The following TRHDE variants were observed in gnomAD, a reference collection of about 807,000 sequenced individuals.
The protein encoded by TRHDE is thyrotropin-releasing hormone-degrading ectoenzyme.
Under a neutral mutation model 125.7 loss-of-function variants are expected in TRHDE, and 72 were observed. The ratio of observed to expected loss-of-function variants is 0.57; its 90% CI spans 0.47 to 0.70. The LOEUF (loss-of-function observed/expected upper bound fraction) is 0.70. Ranked by LOEUF, TRHDE falls within the 30% of genes least tolerant of loss-of-function variation. The pLI, the probability that TRHDE is intolerant of heterozygous loss-of-function variation, is 0.00. For synonymous variants in TRHDE, 509 were observed against 509.1 expected (o/e 1.00, Z 0.00); for missense variants, 1,110 against 1,327.1 (o/e 0.84, Z 2.54).
At chr12:72,549,360 A>C (rs975198476) in intron 7 of TRHDE, among the ~76,000 whole-genome samples, 3 of 151,886 alleles carry the variant, frequency 2.0e-5, no homozygotes, top group Non-Finnish European at 2.9e-5. Flanking sequence ...ATAAGTAAAA[A>C]GTCAGAAAAT....
Position 72,667,674 on chromosome 12 carries a change from A to G in TRHDE, c.*4479A>G, listed in dbSNP as rs943487391. 1.3e-5 allele frequency: 2 copies of G among 151,814 alleles called. No individual in the cohort carries two copies. Among genetic ancestry groups the G allele is most frequent in the Non-Finnish European group, 3.0e-5 (2 of 67,792 alleles). 9.4% of individuals were successfully genotyped at this position (151,814 alleles called of 1,614,324 possible). ...TAATATTATACAACTATTTTTGTACACTAGTTCTCAAAACATTTATGATAC... is the reference window on the plus strand; with the variant it reads ...TAATATTATACAACTATTTTTGTACGCTAGTTCTCAAAACATTTATGATAC... On this transcript the variant is annotated 3_prime_UTR_variant, in exon 19 of 19. Transcript: ENST00000261180.
intron 2 of TRHDE, among the ~76,000 whole-genome samples, chr12:72,325,674 A>G (rs958732502): frequency 1.3e-5 from 2 of 152,138 alleles, no homozygotes; most frequent in African/African-American, 4.8e-5. Flanking sequence ...ATCAATGTTT[A>G]TTAAGCCATG....
chr12:72,471,437 C>T (rs1315449646), intron 4 of TRHDE, among the ~76,000 whole-genome samples: 1 of 152,142 alleles, frequency 6.6e-6, no homozygotes, highest in Non-Finnish European at 1.5e-5. Flanking sequence ...TGAAAGCGCA[C>T]CGATAATGTG....
chr12:72,643,084 G>T (rs1292939158), intron 15 of TRHDE, among the ~76,000 whole-genome samples: 2 of 152,158 alleles, frequency 1.3e-5, no homozygotes, highest in Non-Finnish European at 2.9e-5. Flanking sequence ...GAGTAAAAAT[G>T]ATCTTGTGAA....
At chr12:72,609,731 G>A (rs906715521) in intron 12 of TRHDE, among the ~76,000 whole-genome samples, 6 of 152,248 alleles carry the variant, frequency 3.9e-5, no homozygotes, top group Non-Finnish European at 8.8e-5. Context: ...TTTGGTTTGA[G>A]TGATGTTTTT....
At chr12:72,535,227 T>G (rs1439591953) in intron 6 of TRHDE, among the ~76,000 whole-genome samples, 1 of 152,136 alleles carries the variant, frequency 6.6e-6, no homozygotes, top group East Asian at 1.9e-4. Flanking sequence ...ATCATCATTT[T>G]TATTGTTATG....
intron 15 of TRHDE, among the ~76,000 whole-genome samples, chr12:72,630,046 A>C (rs1205898439): frequency 1.3e-5 from 2 of 150,032 alleles, no homozygotes; most frequent in South Asian, 2.1e-4. Context: ...ATATATATAC[A>C]TATATATAAA....
intron 15 of TRHDE, among the ~76,000 whole-genome samples, chr12:72,627,637 A>C (rs1873314537): frequency 6.6e-6 from 1 of 151,880 alleles, no homozygotes; most frequent in African/African-American, 2.4e-5. Flanking sequence ...GTAGGACCAG[A>C]TTCACCAGTC....
At chr12:72,532,506 C>T (rs764728562) in intron 6 of TRHDE, among the ~76,000 whole-genome samples, 4 of 151,040 alleles carry the variant, frequency 2.6e-5, no homozygotes, top group Non-Finnish European at 5.9e-5. Context: ...GAATGCATCT[C>T]ATGTTTCACT....
intron 7 of TRHDE, among the ~76,000 whole-genome samples, chr12:72,558,613 T>G (rs56991573): frequency 2.6e-5 from 4 of 152,188 alleles, no homozygotes; most frequent in African/African-American, 9.6e-5. Flanking sequence ...AGAGACTAGA[T>G]GTGAAAGGGA....
chr12:72,361,036 G>T (rs1871050616), intron 2 of TRHDE, among the ~76,000 whole-genome samples: 1 of 151,806 alleles, frequency 6.6e-6, no homozygotes, highest in East Asian at 2.0e-4. Flanking sequence ...GTGTCCATAT[G>T]TTCTCATTGT....
At chr12:72,498,232 T>C (rs1878000355) in intron 5 of TRHDE, among the ~76,000 whole-genome samples, 1 of 152,178 alleles carries the variant, frequency 6.6e-6, no homozygotes, top group Non-Finnish European at 1.5e-5. Context: ...ACTAAATCAT[T>C]GAGCAAATGA....
At chr12:72,436,710 C>T (rs1874762632) in intron 3 of TRHDE, among the ~76,000 whole-genome samples, 2 of 151,900 alleles carry the variant, frequency 1.3e-5, no homozygotes, top group South Asian at 4.1e-4. Context: ...CATTGACGTA[C>T]TGAAGAACCG....
intron 2 of TRHDE, among the ~76,000 whole-genome samples, chr12:72,307,964 G>A (rs1028851694): frequency 6.6e-6 from 1 of 152,122 alleles, no homozygotes; most frequent in Non-Finnish European, 1.5e-5. Flanking sequence ...GTTAAGGTAG[G>A]ATTTTTTTTT....
At chr12:72,358,044 T>C (rs925329082) in intron 2 of TRHDE, among the ~76,000 whole-genome samples, 2 of 151,622 alleles carry the variant, frequency 1.3e-5, no homozygotes, top group Non-Finnish European at 3.0e-5. Context: ...AGAACACTGC[T>C]GATTCAATTT....
chr12:72,161,003 AC>A (rs1356643466), intron 2 of TRHDE, among the ~76,000 whole-genome samples: 1 of 152,200 alleles, frequency 6.6e-6, no homozygotes, highest in Non-Finnish European at 1.5e-5. Flanking sequence ...TTTAGTAAAT[AC>A]AAAATTATTT....
At chr12:72,103,042 C>CT (rs1488119878) in intron 1 of TRHDE, among the ~76,000 whole-genome samples, 1 of 152,204 alleles carries the variant, frequency 6.6e-6, no homozygotes, top group Non-Finnish European at 1.5e-5. Context: ...AGTGTGACTT[C>CT]TTTTTCTACT....
intron 2 of TRHDE, among the ~76,000 whole-genome samples, chr12:72,362,381 A>C (rs1311288560): frequency 2.0e-5 from 3 of 149,598 alleles, no homozygotes; most frequent in Non-Finnish European, 4.5e-5. Flanking sequence ...GTGTCTGTTC[A>C]TGTCCTTTGC....
chr12:72,512,928 G>T (rs1463769540), intron 6 of TRHDE, among the ~76,000 whole-genome samples: 1 of 151,792 alleles, frequency 6.6e-6, no homozygotes, highest in Non-Finnish European at 1.5e-5. Context: ...ATTGAAGGAG[G>T]TTGAACTGAA....
Sources: allele counts gnomAD v4.1 joint callset (sites outside exome capture counted in the v4.1 genomes callset), GRCh38; gene constraint gnomAD v4.1.1; transcripts MANE v1.5; gene names NCBI Gene and HGNC (gene_info 2026-07-23, HGNC 2026-07-21).